Variants in KCNMB3 observed in about 807,000 individuals in gnomAD.
KCNMB3 encodes the protein potassium calcium-activated channel subfamily M regulatory beta subunit 3.
A neutral mutation model predicts 11.9 loss-of-function variants in KCNMB3; 18 were observed. The observed-to-expected ratio is 1.51, with a 90% confidence interval of 1.04 to 2.23. The LOEUF (loss-of-function observed/expected upper bound fraction) is 2.23. KCNMB3 is among the 30% of genes most tolerant of loss of function. The pLI, the probability that KCNMB3 is intolerant of heterozygous loss-of-function variation, is 0.00. For synonymous variants in KCNMB3, 78 were observed against 119.2 expected (o/e 0.65, Z 2.25); for missense variants, 247 against 329.4 (o/e 0.75, Z 1.94).
At chr3:179,244,743 T>G (rs763781356) in intron 1 of KCNMB3, 50 bp from the exon 2 acceptor site, 2 of 1,529,152 alleles carry the variant, frequency 1.3e-6, no homozygotes. Context: ...AAAATTTCAT[T>G]CTACATTTTG....
intron 1 of KCNMB3, among the ~76,000 whole-genome samples, chr3:179,264,610 C>T (rs1172685572): frequency 6.6e-6 from 1 of 152,204 alleles, no homozygotes; most frequent in Non-Finnish European, 1.5e-5. Flanking sequence ...CAGGCAGCTT[C>T]TGGCTTAGCC....
intron 1 of KCNMB3, chr3:179,261,245 C>T (rs556232834): frequency 2.8e-5 from 37 of 1,329,654 alleles, no homozygotes; most frequent in Admixed American, 1.3e-4. Context: ...GTAGATCTCC[C>T]GGCTCTGCGT....
chr3:179,244,590 T>G lies in KCNMB3; in HGVS notation c.352A>C (p.Lys118Gln), dbSNP rs1180720186. Residue 118 changes from lysine (K) to glutamine (Q), a missense_variant, in exon 2 of 3, where the codon AAG (lysine) becomes CAG (glutamine). Physicochemically the swap from Lys to Gln is moderately conservative, Grantham distance 53. Coordinates refer to ENST00000392685, the MANE Select transcript of KCNMB3 (RefSeq NM_171830.2). ...TCGVHCHGQGKYPCLQVFVNL... is the reference protein window; with the variant it reads ...TCGVHCHGQGQYPCLQVFVNL... ...ACAAACACCTGAAGACACGGGTACTTCCCCTGACCGTGGCAGTGCACACCA... is the reference window on the plus strand; with the variant it reads ...ACAAACACCTGAAGACACGGGTACTGCCCCTGACCGTGGCAGTGCACACCA... 1 of 1,614,122 alleles carries G rather than the reference T, an allele frequency of 6.2e-7. No homozygotes were observed. The highest frequency in any genetic ancestry group is 1.7e-5 in the Admixed American group (1 of 60,018).
chr3:179,247,391 A>T (rs921466731), intron 1 of KCNMB3, among the ~76,000 whole-genome samples: 2 of 152,154 alleles, frequency 1.3e-5, no homozygotes, highest in Non-Finnish European at 2.9e-5. Flanking sequence ...AAAAGAGGAA[A>T]AAAAGACAGA....
At chr3:179,263,493 G>C (rs149763097) in intron 1 of KCNMB3, among the ~76,000 whole-genome samples, 2 of 152,064 alleles carry the variant, frequency 1.3e-5, no homozygotes, top group South Asian at 2.1e-4. Context: ...CCGAGGAGGC[G>C]CGGAGAGCGA....
chr3:179,265,238 A>T (rs140217200), intron 1 of KCNMB3, among the ~76,000 whole-genome samples: 232 of 152,294 alleles, frequency 1.5e-3, no homozygotes, highest in African/African-American at 5.4e-3. Context: ...TTCTTCCCTG[A>T]ACCCCCATCT....
intron 1 of KCNMB3, chr3:179,259,265 G>C (rs542428624): frequency 4.6e-6 from 7 of 1,537,338 alleles, no homozygotes; most frequent in Admixed American, 2.2e-5. Context: ...TTTTGGGTAC[G>C]GTGCAGTGAT....
At chr3:179,259,396 C>T in intron 1 of KCNMB3, 1 of 1,587,654 alleles carries the variant, frequency 6.3e-7, no homozygotes, top group East Asian at 2.2e-5. Context: ...GATGATTGAA[C>T]TGTGACATCC....
chr3:179,250,635 G>T, intron 1 of KCNMB3, 108 bp downstream of exon 1: 2 of 1,116,282 alleles, frequency 1.8e-6, no homozygotes, highest in Non-Finnish European at 2.6e-6. Flanking sequence ...TCTAGACCAT[G>T]GCAGAGAGTC....
At chr3:179,257,350 C>A (rs1726044149) in intron 1 of KCNMB3, among the ~76,000 whole-genome samples, 1 of 152,178 alleles carries the variant, frequency 6.6e-6, no homozygotes, top group Admixed American at 6.5e-5. Flanking sequence ...GCATTCAATT[C>A]TATCTTGTAA....
intron 1 of KCNMB3, chr3:179,260,044 T>G (rs1245021825): frequency 6.2e-7 from 1 of 1,612,024 alleles, no homozygotes; most frequent in East Asian, 2.2e-5. Flanking sequence ...TGCCCTATGC[T>G]TGTCTCTAAC....
In KCNMB3 at chr3:179,261,083, C is replaced by T. The variant is rs761540857; in HGVS notation, c.62+5566G>A. The stretch of plus-strand genomic sequence containing the variant: ...AGACGGGCCCAGCATGTTACGAGAC[C>T]CCTTCTCAGTAAAATATTTTTCTGG... On this transcript the variant is annotated intron_variant, in intron 1 of 3. Transcript: ENST00000349697. 3.9e-4 allele frequency: 440 copies of T among 1,117,130 alleles called. 2 individuals are homozygous for T. Among genetic ancestry groups the T allele is most frequent in the Non-Finnish European group, 4.8e-4 (353 of 740,918 alleles). The allele number at this position is 1,117,130 out of a possible 1,614,324, so 69.2% of individuals were successfully genotyped here. A position where few individuals can be genotyped will look rare whatever the true frequency, so the allele number is the denominator to read the frequency against.
chr3:179,261,108 GTC>G, intron 1 of KCNMB3: 3 of 1,227,042 alleles, frequency 2.4e-6, no homozygotes, highest in Non-Finnish European at 2.4e-6. Context: ...TATTTTTCTG[GTC>G]TCTCTTCTAC....
At chr3:179,251,290 TG>T, upstream of KCNMB3, 1 of 1,448,040 alleles carries the variant, frequency 6.9e-7, no homozygotes, top group South Asian at 1.5e-5. Context: ...CCTGAAAATT[TG>T]TTTACATTCT....
chr3:179,259,574 G>A lies in KCNMB3; in HGVS notation c.62+7075C>T, dbSNP rs1383435276. ...TCTGTTTTGGATTTTCAGTCACCTC[G>A]TTTTGGGCTTCCACTGCTGACTTTC... On this transcript the variant is annotated intron_variant, in intron 1 of 3. Coordinates refer to the KCNMB3 transcript ENST00000349697. 6 of 1,608,502 alleles carry A rather than the reference G, an allele frequency of 3.7e-6. No individual in the cohort carries two copies. In the African/African-American group the frequency reaches 4.0e-5, roughly 11 times the overall value.
intron 1 of KCNMB3, chr3:179,261,349 C>A: frequency 1.7e-6 from 2 of 1,161,054 alleles, no homozygotes; most frequent in Non-Finnish European, 2.1e-6. Flanking sequence ...GCGGGCCGGG[C>A]CAGGGGGCGC....
Position 179,263,420 on chromosome 3 carries a change from C to T in KCNMB3, c.62+3229G>A, listed in dbSNP as rs1014570777. On this transcript the variant is annotated intron_variant, in intron 1 of 3. Transcript: ENST00000349697. ...CCACCTCCCTGCAAGCTGAGGGAGCCGGCTCTAGCCTTGGCCAGCCCAGAA... is the reference window on the plus strand; with the variant it reads ...CCACCTCCCTGCAAGCTGAGGGAGCTGGCTCTAGCCTTGGCCAGCCCAGAA... Among the ~76,000 whole-genome samples, 3 of 152,326 alleles carry T rather than the reference C, an allele frequency of 2.0e-5. No homozygotes were observed. The East Asian group carries it at 5.8e-4, about 29-fold the overall frequency.
At chr3:179,246,983 G>A (rs1725664289) in intron 1 of KCNMB3, among the ~76,000 whole-genome samples, 1 of 152,158 alleles carries the variant, frequency 6.6e-6, no homozygotes, top group African/African-American at 2.4e-5. Flanking sequence ...CTGATTGAGG[G>A]ATGAGAGGTT....
At chr3:179,263,955 G>A (rs2108460266) in intron 1 of KCNMB3, among the ~76,000 whole-genome samples, 1 of 151,600 alleles carries the variant, frequency 6.6e-6, no homozygotes, top group South Asian at 2.1e-4. Context: ...ATAGGCGCCG[G>A]CTACCACGCC....
Sources: gnomAD v4.1 joint callset for allele counts (sites outside exome capture counted in the v4.1 genomes callset) on GRCh38, gnomAD v4.1.1 for gene constraint, MANE v1.5 for transcripts, NCBI Gene and HGNC (gene_info 2026-07-23, HGNC 2026-07-21) for gene names.